Variants in GLCE observed in about 807,000 individuals in gnomAD.
The protein encoded by GLCE is glucuronic acid epimerase, also known as D-glucuronyl C5-epimerase.
Under a neutral mutation model 47.9 loss-of-function variants are expected in GLCE, and 19 were observed. The ratio of observed to expected loss-of-function variants is 0.40; its 90% confidence interval spans 0.28 to 0.58. The LOEUF is 0.58. Ranked by LOEUF, GLCE falls within the 20% of genes least tolerant of loss-of-function variation. The pLI is 0.48. For synonymous variants in GLCE, 245 were observed against 263.4 expected, an observed-to-expected ratio of 0.93 and a Z score of 0.68; for missense variants, 556 against 743.3, an observed-to-expected ratio of 0.75 and a Z score of 2.93.
chr15:69,226,669 TC>T (rs1327347334), intron 2 of GLCE, among the ~76,000 whole-genome samples: 1 of 150,734 alleles, frequency 6.6e-6, no homozygotes, highest in African/African-American at 2.4e-5. Context: ...ACATCCCTGA[TC>T]CATAAATCAG....
intron 1 of GLCE, among the ~76,000 whole-genome samples, chr15:69,182,772 G>A (rs2051768761): frequency 6.6e-6 from 1 of 152,096 alleles, no homozygotes; most frequent in African/African-American, 2.4e-5. Context: ...CTAGCACTTC[G>A]GGAGGCTGAG....
intron 4 of GLCE, among the ~76,000 whole-genome samples, chr15:69,261,925 G>A (rs1395909408): frequency 1.3e-5 from 2 of 152,122 alleles, no homozygotes; most frequent in African/African-American, 4.8e-5. Flanking sequence ...TAATTAGAAT[G>A]TAATGCATTT....
chr15:69,202,965 G>A (rs1286717715), intron 1 of GLCE, among the ~76,000 whole-genome samples: 1 of 152,118 alleles, frequency 6.6e-6, no homozygotes, highest in Non-Finnish European at 1.5e-5. Flanking sequence ...AATAATGGGT[G>A]GAAAGTTCAT....
At chr15:69,230,321 AG>A (rs948847767) in intron 2 of GLCE, among the ~76,000 whole-genome samples, 6 of 152,172 alleles carry the variant, frequency 3.9e-5, no homozygotes, top group African/African-American at 1.4e-4. Flanking sequence ...AGTAGATTTT[AG>A]AGCAAGAAGT....
intron 1 of GLCE, among the ~76,000 whole-genome samples, chr15:69,208,931 A>G (rs1436545084): frequency 1.3e-5 from 2 of 152,052 alleles, no homozygotes; most frequent in Non-Finnish European, 2.9e-5. Flanking sequence ...TTCATTGTTA[A>G]TGTACAGAAA....
At chr15:69,161,875 C>T (rs1482870586) in intron 1 of GLCE, among the ~76,000 whole-genome samples, 1 of 149,944 alleles carries the variant, frequency 6.7e-6, no homozygotes, top group Non-Finnish European at 1.5e-5. Context: ...GTGGATACAG[C>T]TCCTGAGCAA....
intron 1 of GLCE, among the ~76,000 whole-genome samples, chr15:69,192,156 T>G (rs1401225227): frequency 2.0e-5 from 3 of 152,096 alleles, no homozygotes; most frequent in Non-Finnish European, 4.4e-5. Context: ...TGCCCTACTC[T>G]TTTTGTTTTC....
At chr15:69,257,138 T>C (rs989951974) in intron 3 of GLCE, among the ~76,000 whole-genome samples, 2 of 152,164 alleles carry the variant, frequency 1.3e-5, no homozygotes, top group Non-Finnish European at 2.9e-5. Flanking sequence ...TAAATATATA[T>C]TTTTTGCTCT....
intron 1 of GLCE, among the ~76,000 whole-genome samples, chr15:69,207,925 T>C (rs1204817318): frequency 6.6e-6 from 1 of 151,992 alleles, no homozygotes; most frequent in African/African-American, 2.4e-5. Flanking sequence ...CCAGTTGTTT[T>C]TGTTTGTTTG....
At chr15:69,209,995 C>T (rs1485032394) in intron 1 of GLCE, among the ~76,000 whole-genome samples, 2 of 152,024 alleles carry the variant, frequency 1.3e-5, no homozygotes, top group African/African-American at 2.4e-5. Context: ...TGCACACTTC[C>T]TTGTGAGTCC....
At chr15:69,168,155 G>A (rs527599087) in intron 1 of GLCE, among the ~76,000 whole-genome samples, 16 of 152,108 alleles carry the variant, frequency 1.1e-4, no homozygotes, top group South Asian at 6.2e-4. Context: ...TGTAAGAGCC[G>A]GACACGGTGA....
At chr15:69,262,212 A>T (rs1370743914) in intron 4 of GLCE, among the ~76,000 whole-genome samples, 1 of 152,226 alleles carries the variant, frequency 6.6e-6, no homozygotes. Context: ...GATAGCCTTA[A>T]GTAATGAATT....
intron 2 of GLCE, among the ~76,000 whole-genome samples, chr15:69,242,033 C>G (rs534007678): frequency 6.6e-6 from 1 of 152,264 alleles, no homozygotes; most frequent in African/African-American, 2.4e-5. Flanking sequence ...ACTCATTTTC[C>G]TGACCATTTC....
intron 1 of GLCE, among the ~76,000 whole-genome samples, chr15:69,172,611 CTTTT>C (rs2051605269): frequency 3.9e-5 from 6 of 151,986 alleles, no homozygotes; most frequent in African/African-American, 1.4e-4. Context: ...TTAACGATAT[CTTTT>C]TAGACTAGAT....
intron 3 of GLCE, among the ~76,000 whole-genome samples, chr15:69,257,035 C>T (rs2052935414): frequency 6.6e-6 from 1 of 152,104 alleles, no homozygotes; most frequent in Non-Finnish European, 1.5e-5. Flanking sequence ...TTTGAGATTT[C>T]TTGGTTTGGG....
At chr15:69,217,153 T>C (rs2052318602) in intron 2 of GLCE, among the ~76,000 whole-genome samples, 1 of 151,866 alleles carries the variant, frequency 6.6e-6, no homozygotes, top group African/African-American at 2.4e-5. Flanking sequence ...CCCTTTCCAA[T>C]ATAAAACTTA....
chr15:69,177,667 T>TATCTTTACTTCATGCCCCTTTATC (rs1330887667), intron 1 of GLCE, among the ~76,000 whole-genome samples: 99 of 145,446 alleles, frequency 6.8e-4, no homozygotes, highest in South Asian at 2.3e-3. Flanking sequence ...GCCCCTTTAT[T>TATCTTTACTTCATGCCCCTTTATC]ATCTTTACTT....
At chr15:69,167,045 G>A (rs113983787) in intron 1 of GLCE, among the ~76,000 whole-genome samples, 2 of 150,154 alleles carry the variant, frequency 1.3e-5, no homozygotes, top group Non-Finnish European at 3.0e-5. Flanking sequence ...GTGAAACCCC[G>A]TCTCTACTAA....
chr15:69,271,879 A>G lies in GLCE; in HGVS notation c.*2635A>G, dbSNP rs1473045704. On this transcript the variant is annotated 3_prime_UTR_variant, in exon 5 of 5. Transcript: ENST00000261858. The stretch of plus-strand genomic sequence containing the variant: ...CAGACGTGGCTCCTTCTCCTTTCTC[A>G]GTGCAGACTCTCACTGAAAGCTGCT... 6.5e-6 allele frequency: 1 copy of G among 152,684 alleles called. No individual in the cohort carries two copies. The highest frequency in any genetic ancestry group is 6.5e-5 in the Admixed American group (1 of 15,286). 9.5% of individuals were successfully genotyped at this position (152,684 alleles called of 1,614,324 possible).
Sources: gnomAD v4.1 joint callset for allele counts (sites outside exome capture counted in the v4.1 genomes callset) on GRCh38, gnomAD v4.1.1 for gene constraint, MANE v1.5 for transcripts, NCBI Gene and HGNC (gene_info 2026-07-23, HGNC 2026-07-21) for gene names.